The following RERE variants were observed in gnomAD, a reference collection of about 807,000 sequenced individuals.
RERE encodes the protein arginine-glutamic acid dipeptide repeats.
Under a neutral mutation model 146.1 loss-of-function variants are expected in RERE, and 40 were observed. The observed-to-expected ratio is 0.27, with a 90% confidence interval of 0.21 to 0.36. The LOEUF (loss-of-function observed/expected upper bound fraction) is 0.36, where lower values mean the gene tolerates loss of function less well. RERE is among the 10% of genes least tolerant of loss of function. The probability of loss-of-function intolerance (pLI) is 1.00; values close to 1 mark genes in which losing one functional copy is unlikely to be tolerated. For synonymous variants in RERE, 1,003 were observed against 866.0 expected (o/e 1.16, Z -2.78); for missense variants, 1,933 against 2,138.7 (o/e 0.90, Z 1.90).
intron 10 of RERE, among the ~76,000 whole-genome samples, chr1:8,482,059 T>C (rs148497731): frequency 6.6e-6 from 1 of 152,234 alleles, no homozygotes; most frequent in African/African-American, 2.4e-5. Flanking sequence ...CTGAAAACAG[T>C]ACCCCCTCAG....
At chr1:8,712,968 G>A (rs1000203646) in intron 1 of RERE, among the ~76,000 whole-genome samples, 13 of 152,128 alleles carry the variant, frequency 8.5e-5, no homozygotes, top group Non-Finnish European at 1.6e-4. Flanking sequence ...GAGGACTATA[G>A]TTTATTCTTC....
chr1:8,478,607 T>C (rs985398365), intron 10 of RERE, among the ~76,000 whole-genome samples: 1 of 152,150 alleles, frequency 6.6e-6, no homozygotes, highest in African/African-American at 2.4e-5. Flanking sequence ...AGGACAGGGC[T>C]GGCCAGGACA....
chr1:8,736,822 T>C (rs1176703400), intron 1 of RERE, among the ~76,000 whole-genome samples: 1 of 137,538 alleles, frequency 7.3e-6, no homozygotes, highest in African/African-American at 2.7e-5. Flanking sequence ...GAGTTATAGG[T>C]GTCTGTTACC....
At chr1:8,758,316 T>A (rs1210702127) in intron 1 of RERE, among the ~76,000 whole-genome samples, 1 of 151,386 alleles carries the variant, frequency 6.6e-6, no homozygotes, top group East Asian at 1.9e-4. Flanking sequence ...TCTCCTGACC[T>A]CCTGATCCAC....
chr1:8,386,329 C>T (rs982159773), intron 12 of RERE, among the ~76,000 whole-genome samples: 1 of 151,132 alleles, frequency 6.6e-6, no homozygotes, highest in Non-Finnish European at 1.5e-5. Flanking sequence ...TTAGGAACCC[C>T]TCTCATCCCA....
intron 1 of RERE, among the ~76,000 whole-genome samples, chr1:8,737,725 C>G (rs1406595606): frequency 2.0e-5 from 3 of 152,054 alleles, no homozygotes; most frequent in African/African-American, 7.2e-5. Context: ...TGTGAGCCAC[C>G]ACACGTGGCT....
intron 1 of RERE, among the ~76,000 whole-genome samples, chr1:8,699,392 T>C (rs763463190): frequency 2.0e-5 from 3 of 152,240 alleles, no homozygotes; most frequent in Admixed American, 1.3e-4. Context: ...CAGAGTTCAA[T>C]GATAACATTA....
chr1:8,625,953 T>G (rs1646969144), intron 2 of RERE, among the ~76,000 whole-genome samples: 1 of 152,260 alleles, frequency 6.6e-6, no homozygotes. Context: ...TACTCAAAGA[T>G]GGACTCAACA....
At chr1:8,575,371 GA>G (rs1284352724) in intron 4 of RERE, among the ~76,000 whole-genome samples, 1 of 146,730 alleles carries the variant, frequency 6.8e-6, no homozygotes. Context: ...AACAAAGGAT[GA>G]AAAAAGTAAC....
intron 1 of RERE, among the ~76,000 whole-genome samples, chr1:8,677,571 G>GT (rs2124387944): frequency 6.6e-6 from 1 of 151,380 alleles, no homozygotes; most frequent in Admixed American, 6.6e-5. Context: ...TAAGAATAAC[G>GT]TAAAAACCTT....
chr1:8,703,857 C>T (rs1448155908), intron 1 of RERE, among the ~76,000 whole-genome samples: 1 of 152,180 alleles, frequency 6.6e-6, no homozygotes, highest in African/African-American at 2.4e-5. Flanking sequence ...CGGGAGAAAG[C>T]AGCATTGTTT....
intron 1 of RERE, among the ~76,000 whole-genome samples, chr1:8,733,583 G>A (rs1640133621): frequency 6.6e-6 from 1 of 152,214 alleles, no homozygotes; most frequent in Non-Finnish European, 1.5e-5. Flanking sequence ...GCAAGGAACT[G>A]AAGCTTCTGC....
intron 1 of RERE, among the ~76,000 whole-genome samples, chr1:8,693,771 G>A (rs1316823446): frequency 6.6e-6 from 1 of 152,004 alleles, no homozygotes; most frequent in African/African-American, 2.4e-5. Context: ...TATCAATATT[G>A]GCTCATCAAC....
intron 1 of RERE, among the ~76,000 whole-genome samples, chr1:8,720,998 G>A (rs1432957098): frequency 2.6e-5 from 4 of 151,876 alleles, no homozygotes; most frequent in Non-Finnish European, 5.9e-5. Context: ...GGAGGTTGCA[G>A]TGAGCCGAGA....
chr1:8,688,068 T>G (rs1271489729), intron 1 of RERE, among the ~76,000 whole-genome samples: 1 of 152,170 alleles, frequency 6.6e-6, no homozygotes, highest in Non-Finnish European at 1.5e-5. Flanking sequence ...TACGATTTTT[T>G]CAAATTAACA....
intron 7 of RERE, among the ~76,000 whole-genome samples, chr1:8,531,029 CTAT>C (rs1472382642): frequency 7.1e-6 from 1 of 140,536 alleles, no homozygotes; most frequent in Non-Finnish European, 1.6e-5. Context: ...ATCTATCTAT[CTAT>C]CTATCTATCT....
At chr1:8,610,366 A>G (rs1223043840) in intron 4 of RERE, among the ~76,000 whole-genome samples, 2 of 151,416 alleles carry the variant, frequency 1.3e-5, no homozygotes, top group African/African-American at 2.4e-5. Flanking sequence ...CGAGGCGGGC[A>G]GATCACAAGG....
chr1:8,505,355 C>G (rs989905573), intron 8 of RERE, among the ~76,000 whole-genome samples: 2 of 152,044 alleles, frequency 1.3e-5, no homozygotes, highest in African/African-American at 4.8e-5. Flanking sequence ...TTTGGAACAT[C>G]TACAAGGAAA....
chr1:8,358,954 C>A (rs761257782), intron 19 of RERE, 38 bp from the exon 20 acceptor site: 8 of 1,499,014 alleles, frequency 5.3e-6, no homozygotes, highest in Admixed American at 4.5e-5. Context: ...GTCCCCCGAG[C>A]GCCTGGGGTC....
Sources: gnomAD v4.1 joint callset for allele counts (sites outside exome capture counted in the v4.1 genomes callset) on GRCh38, gnomAD v4.1.1 for gene constraint, MANE v1.5 for transcripts, NCBI Gene and HGNC (gene_info 2026-07-23, HGNC 2026-07-21) for gene names.